The following MITF variants were observed in gnomAD, a reference collection of about 807,000 sequenced individuals.
The protein encoded by MITF is microphthalmia-associated transcription factor.
Under a neutral mutation model 60.5 loss-of-function variants are expected in MITF, and 17 were observed. The ratio of observed to expected loss-of-function variants is 0.28; its 90% CI spans 0.19 to 0.42. The LOEUF is 0.42. Among genes scored for constraint, MITF ranks in the 10% least tolerant of loss-of-function variants. The pLI is 1.00. For synonymous variants in MITF, 260 were observed against 248.5 expected, an observed-to-expected ratio of 1.05 and a Z score of -0.43; for missense variants, 622 against 683.5, an observed-to-expected ratio of 0.91 and a Z score of 1.00.
intron 1 of MITF, among the ~76,000 whole-genome samples, chr3:69,853,545 C>G (rs1419118051): frequency 2.0e-5 from 3 of 152,064 alleles, no homozygotes; most frequent in Non-Finnish European, 2.9e-5. Context: ...TGCCCACCAT[C>G]CATCTTAAAA....
At chr3:69,945,226 G>A (rs1288555344) in intron 5 of MITF, among the ~76,000 whole-genome samples, 2 of 152,046 alleles carry the variant, frequency 1.3e-5, no homozygotes, top group Non-Finnish European at 2.9e-5. Context: ...TATTCATTTT[G>A]GTGGAGCACA....
intron 2 of MITF, among the ~76,000 whole-genome samples, chr3:69,882,724 A>G (rs1222069914): frequency 2.0e-5 from 3 of 152,188 alleles, no homozygotes; most frequent in Admixed American, 6.5e-5. Context: ...GTTCAGCCTT[A>G]TAGCTAAAGC....
At chr3:69,944,517 C>G (rs1163903629) in intron 5 of MITF, among the ~76,000 whole-genome samples, 1 of 152,088 alleles carries the variant, frequency 6.6e-6, no homozygotes, top group East Asian at 1.9e-4. Context: ...TTCTTTATCC[C>G]CATACTGGAA....
At chr3:69,926,969 T>G (rs971385951) in intron 2 of MITF, among the ~76,000 whole-genome samples, 12 of 152,228 alleles carry the variant, frequency 7.9e-5, no homozygotes, top group Non-Finnish European at 1.8e-4. Flanking sequence ...TTTGTCCAGA[T>G]CTGTAGGCTT....
intron 1 of MITF, among the ~76,000 whole-genome samples, chr3:69,784,272 C>A (rs914177423): frequency 6.6e-6 from 1 of 152,050 alleles, no homozygotes; most frequent in African/African-American, 2.4e-5. Context: ...ATAACTCTGG[C>A]TTTCTTTGCT....
intron 1 of MITF, among the ~76,000 whole-genome samples, chr3:69,839,720 A>G (rs79611436): frequency 2.4e-3 from 364 of 152,126 alleles, no homozygotes; most frequent in African/African-American, 8.5e-3. Context: ...CCATTCATTA[A>G]TGTTCAGTAC....
At chr3:69,916,272 G>T (rs1247356298) in intron 2 of MITF, among the ~76,000 whole-genome samples, 1 of 151,586 alleles carries the variant, frequency 6.6e-6, no homozygotes, top group Non-Finnish European at 1.5e-5. Context: ...GACTTATTTT[G>T]CCATTCTTCT....
intron 1 of MITF, among the ~76,000 whole-genome samples, chr3:69,809,558 G>A (rs1007908348): frequency 6.6e-6 from 1 of 151,368 alleles, no homozygotes; most frequent in Non-Finnish European, 1.5e-5. Context: ...ATGTAATAAA[G>A]GTTATGAATT....
At chr3:69,844,028 A>G (rs192186550) in intron 1 of MITF, among the ~76,000 whole-genome samples, 2 of 152,282 alleles carry the variant, frequency 1.3e-5, no homozygotes, top group Non-Finnish European at 2.9e-5. Flanking sequence ...TTTGCTGAGA[A>G]TTATGGTTTC....
intron 1 of MITF, among the ~76,000 whole-genome samples, chr3:69,875,159 A>G (rs1362864768): frequency 6.6e-6 from 1 of 152,246 alleles, no homozygotes; most frequent in African/African-American, 2.4e-5. Flanking sequence ...TGACTGAGCT[A>G]GCCCTTGAGT....
intron 1 of MITF, among the ~76,000 whole-genome samples, chr3:69,822,003 A>G (rs557885979): frequency 5.3e-5 from 8 of 152,342 alleles, no homozygotes; most frequent in South Asian, 2.1e-4. Context: ...TTGGCCTCTC[A>G]AAGTGGTGGG....
chr3:69,845,158 CTTATA>C (rs1464660162), intron 1 of MITF, among the ~76,000 whole-genome samples: 1 of 152,034 alleles, frequency 6.6e-6, no homozygotes, highest in Admixed American at 6.6e-5. Flanking sequence ...TCTTCATCCA[CTTATA>C]TTAATTTTCC....
intron 1 of MITF, among the ~76,000 whole-genome samples, chr3:69,783,039 G>A (rs2062591055): frequency 6.6e-6 from 1 of 152,148 alleles, no homozygotes; most frequent in Non-Finnish European, 1.5e-5. Context: ...TGTACTGTAG[G>A]ATGAGAGGAA....
rs898626089 is a variant in MITF, at chr3:69,739,651, T to C, written c.54T>C (p.His18=). The change falls in exon 1 of 10, where the codon CAT becomes CAC. Residue 18 remains histidine, a synonymous_variant. Transcript: ENST00000352241. The stretch of plus-strand genomic sequence containing the variant: ...ATTTCGAAGTCGGGGAGGAGTTTCA[T>C]GAAGAGCCCAAAACCTATTACGAAC... ...VPDFEVGEEF[H]EEPKTYYELK... 1.9e-6 allele frequency: 3 copies of C among 1,584,734 alleles called. No individual in the cohort carries two copies. The African/African-American group carries it at 4.0e-5, about 21-fold the overall frequency.
At chr3:69,912,241 C>T (rs1259190532) in intron 2 of MITF, among the ~76,000 whole-genome samples, 2 of 152,184 alleles carry the variant, frequency 1.3e-5, no homozygotes, top group Non-Finnish European at 2.9e-5. Context: ...GATGACTACA[C>T]ATCAAATTCT....
intron 2 of MITF, among the ~76,000 whole-genome samples, chr3:69,931,558 T>C (rs1335601765): frequency 6.6e-6 from 1 of 152,180 alleles, no homozygotes; most frequent in Non-Finnish European, 1.5e-5. Context: ...TCTATTCTGT[T>C]TTAACATCAA....
chr3:69,810,758 G>A lies in MITF; in HGVS notation c.105-68376G>A, dbSNP rs1352284900. Among the ~76,000 whole-genome samples, 5 of 152,104 alleles carry A rather than the reference G, an allele frequency of 3.3e-5. No individual in the cohort carries two copies. The East Asian group carries it at 9.6e-4, about 29-fold the overall frequency. ...AGTTGTTCATTTGACAGATATTTAC[G>A]AAGCATCTGCAGTGTACATGGGACT... On this transcript the variant is annotated intron_variant, in intron 1 of 9. Coordinates refer to ENST00000352241, the MANE Select transcript of MITF (RefSeq NM_001354604.2).
At chr3:69,954,054 A>AT (rs2066336200) in intron 7 of MITF, among the ~76,000 whole-genome samples, 1 of 152,048 alleles carries the variant, frequency 6.6e-6, no homozygotes, top group Admixed American at 6.6e-5. Context: ...ACACCTTTGT[A>AT]TTTTTTGAAA....
At chr3:69,963,267 G>T (rs1250629946) in intron 9 of MITF, among the ~76,000 whole-genome samples, 1 of 152,126 alleles carries the variant, frequency 6.6e-6, no homozygotes, top group Non-Finnish European at 1.5e-5. Context: ...CGTACTTGTT[G>T]AGTTAAAAAA....
Sources: gnomAD v4.1 joint callset for allele counts (sites outside exome capture counted in the v4.1 genomes callset) on GRCh38, gnomAD v4.1.1 for gene constraint, MANE v1.5 for transcripts, NCBI Gene and HGNC (gene_info 2026-07-23, HGNC 2026-07-21) for gene names.